The following GHRHR variants were observed in gnomAD, a reference collection of about 807,000 sequenced individuals.
The protein encoded by GHRHR is growth hormone releasing hormone receptor, also known as growth hormone-releasing hormone receptor.
A neutral mutation model predicts 58.3 loss-of-function variants in GHRHR; 40 were observed. The observed-to-expected ratio is 0.69, with a 90% CI of 0.53 to 0.89. GHRHR has a LOEUF of 0.89. GHRHR is among the 40% of genes least tolerant of loss of function. The pLI, the probability that GHRHR is intolerant of heterozygous loss-of-function variation, is 0.00. For synonymous variants in GHRHR, 249 were observed against 216.6 expected, an observed-to-expected ratio of 1.15 and a Z score of -1.31; for missense variants, 551 against 541.3, an observed-to-expected ratio of 1.02 and a Z score of -0.18.
chr7:30,977,435 C>G (rs989011612), intron 12 of GHRHR, 113 bp downstream of exon 12: 8 of 866,600 alleles, frequency 9.2e-6, no homozygotes, highest in East Asian at 7.2e-5. Context: ...CACACCTTCA[C>G]TCTTGTGAGC....
At position 30,974,434 on chromosome 7, in the gene GHRHR, C is replaced by A; in HGVS notation, c.757C>A (p.Pro253Thr). ...TCTTCCCTGTACTCCTGTAGGGCTG[C>A]CCGTGCTCTTCACTGGCACGTGGGT... Reference protein sequence around the residue: ...WWLVLAGWGLPVLFTGTWVSC... With the variant: ...WWLVLAGWGLTVLFTGTWVSC... The change falls in exon 8 of 13, where the codon CCC (proline) becomes ACC (threonine). Residue 253 changes from proline (P) to threonine (T), a missense_variant. Coordinates refer to ENST00000326139, the MANE Select transcript of GHRHR (RefSeq NM_000823.4). The A allele has an allele frequency of 6.2e-7, 1 of 1,610,542 alleles. No homozygotes were observed. Among genetic ancestry groups the A allele is most frequent in the Non-Finnish European group, 8.5e-7 (1 of 1,176,706 alleles).
rs751286749 is a variant in GHRHR at position 30,969,886 on chromosome 7, TACTATC to T, written c.292_297del (p.Ile98_Thr99del). ...TCCCAGGGGCTGTGAAACGGGATTGTACTATCACTGGCTGGTCTGAGCCCTTTCCAC... is the reference window on the plus strand; with the variant it reads ...TCCCAGGGGCTGTGAAACGGGATTGTACTGGCTGGTCTGAGCCCTTTCCAC... On this transcript the variant is annotated inframe_deletion, in exon 4 of 13. Transcript: ENST00000326139. The T allele has an allele frequency of 6.2e-7, 1 of 1,612,212 alleles. No individual in the cohort carries two copies. The highest frequency in any genetic ancestry group is 1.7e-5 in the Admixed American group (1 of 60,026).
chr7:30,971,283 G>C (rs996230415), intron 5 of GHRHR, 67 bp downstream of exon 5: 1 of 764,834 alleles, frequency 1.3e-6, no homozygotes, highest in Admixed American at 2.0e-5. Context: ...GGTCAAGTCT[G>C]CTTCCTTGCC....
intron 1 of GHRHR, among the ~76,000 whole-genome samples, chr7:30,964,559 C>A (rs1383555667): frequency 1.3e-5 from 2 of 152,196 alleles, no homozygotes; most frequent in Non-Finnish European, 2.9e-5. Flanking sequence ...CTGTGGTAAG[C>A]TTTCTGGACC....
Position 30,969,875 on chromosome 7 carries a change from A to G in GHRHR, c.277A>G (p.Lys93Glu). ...SHFSSESGAV[K>E]RDCTITGWSE... ...TCTTGCTTGCCTCCCAGGGGCTGTG[A>G]AACGGGATTGTACTATCACTGGCTG... The change falls in exon 4 of 13, where the codon AAA becomes GAA. Residue 93 changes from lysine to glutamate, a missense_variant. Transcript: ENST00000326139. 6.2e-7 allele frequency: 1 copy of G among 1,613,480 alleles called. No individual in the cohort carries two copies. Among genetic ancestry groups the G allele is most frequent in the Non-Finnish European group, 8.5e-7 (1 of 1,179,394 alleles).
rs1435370782 is a variant in GHRHR at position 30,974,083 on chromosome 7, C to T, written c.696C>T (p.Ala232=). Residue 232 remains alanine, a synonymous_variant, in exon 7 of 13, where the codon GCC becomes GCT. Coordinates refer to ENST00000326139, the MANE Select transcript of GHRHR (RefSeq NM_000823.4). ...CCGTCTACCTGAACTGCCTCCTGGC[C>T]TCCACCTCCCCCAGCTCAAGGAGAG... is the stretch of plus-strand genomic sequence containing the variant. The part of the protein sequence containing the change: ...AEAVYLNCLL[A]STSPSSRRAF... The T allele has an allele frequency of 1.2e-6, 2 of 1,614,136 alleles. No individual in the cohort carries two copies. The highest frequency in any genetic ancestry group is 2.2e-5 in the South Asian group (2 of 91,078).
At chr7:30,971,350 C>T (rs1330815230) in intron 5 of GHRHR, 134 bp downstream of exon 5, 2 of 699,838 alleles carry the variant, frequency 2.9e-6, no homozygotes, top group Admixed American at 2.0e-5. Context: ...ACTTTCCCTT[C>T]CCTTTTCCCC....
At chr7:30,978,725 G>A (rs886768381) in intron 12 of GHRHR, among the ~76,000 whole-genome samples, 1 of 152,076 alleles carries the variant, frequency 6.6e-6, no homozygotes, top group African/African-American at 2.4e-5. Context: ...CTCCCTTCAG[G>A]TCATGTCCTC....
chr7:30,974,421 T>G lies in GHRHR; in HGVS notation c.752-8T>G, dbSNP rs760163983. The stretch of plus-strand genomic sequence containing the variant: ...TCCCTCGCTTGTGTCTTCCCTGTAC[T>G]CCTGTAGGGCTGCCCGTGCTCTTCA... On this transcript the variant is annotated splice_region_variant and splice_polypyrimidine_tract_variant and intron_variant, in intron 7 of 12. Transcript: ENST00000326139. 3.1e-6 allele frequency: 5 copies of G among 1,603,472 alleles called. No homozygotes were observed. In the African/African-American group the frequency reaches 6.7e-5, roughly 21 times the overall value.
At chr7:30,969,804 C>G in intron 3 of GHRHR, 63 bp from the exon 4 acceptor site, 1 of 1,548,730 alleles carries the variant, frequency 6.5e-7, no homozygotes, top group South Asian at 1.1e-5. Context: ...GTCCCTGGCA[C>G]CCCCAGCCCC....
At position 30,971,564 on chromosome 7, in the gene GHRHR, T is replaced by TC. The variant is rs145857957; in HGVS notation, c.464+352dup. ...GACTGTTATAACTCTCTGACCACTG[T>TC]CCCCTTTAAGACCCCACCCCCTCCT... On this transcript the variant is annotated intron_variant, in intron 5 of 12. Coordinates refer to ENST00000326139, the MANE Select transcript of GHRHR (RefSeq NM_000823.4). Among the ~76,000 whole-genome samples the TC allele has an allele frequency of 1.3e-4, 20 of 152,142 alleles. No homozygotes were observed. The East Asian group carries it at 3.9e-3, about 30-fold the overall frequency.
At position 30,976,437 on chromosome 7, in the gene GHRHR, C is replaced by G. The variant is rs1249494161; in HGVS notation, c.983C>G (p.Ser328Cys). 5.6e-6 allele frequency: 9 copies of G among 1,613,478 alleles called. No homozygotes were observed. Among genetic ancestry groups the G allele is most frequent in the Non-Finnish European group, 8.5e-7 (1 of 1,179,694 alleles). Residue 328 changes from serine (S) to cysteine (C), a missense_variant, in exon 11 of 13, where the codon TCC becomes TGC. Coordinates refer to ENST00000326139, the MANE Select transcript of GHRHR (RefSeq NM_000823.4). ...ATTTGTCTTTCCTGCAGGCGTCTCT[C>G]CAAGTCGACACTTTTCCTGATCCCA... ...LHTQSQYWRL[S>C]KSTLFLIPLF...
At chr7:30,966,642 G>GTTT (rs57882266) in intron 1 of GHRHR, among the ~76,000 whole-genome samples, 113 of 148,448 alleles carry the variant, frequency 7.6e-4, no homozygotes, top group African/African-American at 2.7e-3. Flanking sequence ...GCTTCTTTTT[G>GTTT]TTTTTTTTTT....
intron 1 of GHRHR, 59 bp downstream of exon 1, chr7:30,964,184 C>G: frequency 1.4e-6 from 2 of 1,433,268 alleles, no homozygotes; most frequent in Non-Finnish European, 1.9e-6. Context: ...TTGGGAGCCA[C>G]AGGGCCAACT....
Position 30,974,871 on chromosome 7 carries a change from G to A in GHRHR, c.813-100G>A, listed in dbSNP as rs577428185. The A allele has an allele frequency of 3.1e-5, 26 of 826,858 alleles. No individual in the cohort carries two copies. In the South Asian group the frequency reaches 3.3e-4, roughly 11 times the overall value. The allele number at this position is 826,858 out of a possible 1,614,324, so 51.2% of individuals were successfully genotyped here. A position where few individuals can be genotyped will look rare whatever the true frequency, so the allele number is the denominator to read the frequency against. ...GACAGGAGAAAAGGCTGGAGGGGAG[G>A]TGGGTGAGACCAGAAGGCATGAATG... On this transcript the variant is annotated intron_variant, in intron 8 of 12. Coordinates refer to ENST00000326139, the MANE Select transcript of GHRHR (RefSeq NM_000823.4).
At chr7:30,966,315 C>T (rs575420434) in intron 1 of GHRHR, among the ~76,000 whole-genome samples, 207 of 150,040 alleles carry the variant, frequency 1.4e-3, no homozygotes, top group African/African-American at 5.0e-3. Context: ...TTTGCTGTGC[C>T]TGCATTTCTC....
chr7:30,971,364 A>G (rs1014729472), intron 5 of GHRHR, 148 bp downstream of exon 5: 1 of 692,768 alleles, frequency 1.4e-6, no homozygotes, highest in Admixed American at 2.0e-5. Context: ...TTTCCCCACC[A>G]TGTAGACCCA....
At chr7:30,972,145 G>A in intron 6 of GHRHR, 50 bp downstream of exon 6, 1 of 1,604,004 alleles carries the variant, frequency 6.2e-7, no homozygotes, top group Non-Finnish European at 8.5e-7. Flanking sequence ...AGAGGAGGTA[G>A]GATTACAGAC....
In GHRHR at chr7:30,979,180, G is replaced by A; in HGVS notation, c.1208G>A (p.Arg403Lys). ...GHDPELLPAW[R>K]TRAKWTTPSR... ...GACCCTGAGCTTCTGCCAGCCTGGA[G>A]GACCCGTGCTAAGTGGACCACGCCT... Residue 403 changes from arginine (R) to lysine (K), a missense_variant, in exon 13 of 13, where the codon AGG becomes AAG. Physicochemically the swap from Arg to Lys is conservative, Grantham distance 26. Coordinates refer to ENST00000326139, the MANE Select transcript of GHRHR (RefSeq NM_000823.4). 6 of 1,613,670 alleles carry A rather than the reference G, an allele frequency of 3.7e-6. No homozygotes were observed. Among genetic ancestry groups the A allele is most frequent in the Non-Finnish European group, 5.1e-6 (6 of 1,179,532 alleles).
Sources: allele counts gnomAD v4.1 joint callset (sites outside exome capture counted in the v4.1 genomes callset), GRCh38; gene constraint gnomAD v4.1.1; transcripts MANE v1.5; gene names NCBI Gene and HGNC (gene_info 2026-07-23, HGNC 2026-07-21).